The following RGS7BP variants were observed in gnomAD, a reference collection of about 807,000 sequenced individuals.
The protein encoded by RGS7BP is regulator of G protein signaling 7-binding protein.
In RGS7BP, 9 loss-of-function variants were observed where a neutral mutation model predicts 31.3. That is an observed-to-expected ratio of 0.29 (90% CI 0.17 to 0.50). The LOEUF (loss-of-function observed/expected upper bound fraction) is 0.50, where lower values mean the gene tolerates loss of function less well. Ranked by LOEUF, RGS7BP falls within the 20% of genes least tolerant of loss-of-function variation. The pLI, the probability that RGS7BP is intolerant of heterozygous loss-of-function variation, is 0.98. For missense variants in RGS7BP, 274 were observed against 322.0 expected (o/e 0.85, Z 1.14); for synonymous variants, 115 against 120.1 (o/e 0.96, Z 0.28).
chr5:64,578,730 G>T (rs924705935), intron 3 of RGS7BP, among the ~76,000 whole-genome samples: 1 of 152,168 alleles, frequency 6.6e-6, no homozygotes, highest in Admixed American at 6.5e-5. Flanking sequence ...AAAAGGAGTA[G>T]GTGCCTGTGA....
At chr5:64,553,732 T>C (rs1397479390) in intron 2 of RGS7BP, among the ~76,000 whole-genome samples, 4 of 152,098 alleles carry the variant, frequency 2.6e-5, no homozygotes, top group Admixed American at 1.3e-4. Flanking sequence ...CTGTGTAAGA[T>C]TGAGTGAGAT....
intron 2 of RGS7BP, among the ~76,000 whole-genome samples, chr5:64,560,558 T>C (rs998517993): frequency 1.3e-5 from 2 of 150,958 alleles, no homozygotes; most frequent in African/African-American, 4.8e-5. Flanking sequence ...TATATATATA[T>C]ATATAATCTA....
chr5:64,597,674 C>T (rs1743110115), intron 4 of RGS7BP, among the ~76,000 whole-genome samples: 1 of 151,354 alleles, frequency 6.6e-6, no homozygotes, highest in African/African-American at 2.4e-5. Flanking sequence ...CACATGTTCT[C>T]ACTTGTAAGT....
intron 2 of RGS7BP, among the ~76,000 whole-genome samples, chr5:64,514,184 C>A (rs190404106): frequency 1.0e-3 from 154 of 152,280 alleles, no homozygotes; most frequent in African/African-American, 3.7e-3. Context: ...TTTACAAGGA[C>A]AGTAGTCATA....
At chr5:64,588,822 G>A (rs1169794985) in intron 3 of RGS7BP, among the ~76,000 whole-genome samples, 2 of 152,000 alleles carry the variant, frequency 1.3e-5, no homozygotes, top group South Asian at 2.1e-4. Context: ...TTAAAAAAAT[G>A]TGAAAGACTG....
Position 64,506,806 on chromosome 5 carries a change from C to A in RGS7BP, c.165+17C>A. 6.8e-7 allele frequency: 1 copy of A among 1,479,760 alleles called. No homozygotes were observed. Among genetic ancestry groups the A allele is most frequent in the South Asian group, 1.3e-5 (1 of 77,260 alleles). The allele number at this position is 1,479,760 out of a possible 1,614,324, so 91.7% of individuals were successfully genotyped here. A position where few individuals can be genotyped will look rare whatever the true frequency, so the allele number is the denominator to read the frequency against. On this transcript the variant is annotated intron_variant, in intron 1 of 5. Transcript: ENST00000334025. The surrounding 1 kb of genome is among the most constrained non-coding windows in gnomAD (Gnocchi z 4.6). ...TGCAAGATGGTGGGTGAAAACTGCG[C>A]CTCTTTTTTTTTTTTTTTAATTGAG...
At chr5:64,576,766 G>A (rs185840755) in intron 3 of RGS7BP, among the ~76,000 whole-genome samples, 1 of 152,306 alleles carries the variant, frequency 6.6e-6, no homozygotes, top group Admixed American at 6.5e-5. Context: ...GGAGAGTGTG[G>A]AATGGGAAGG....
chr5:64,601,791 C>A (rs1043440794), intron 5 of RGS7BP, among the ~76,000 whole-genome samples: 8 of 152,132 alleles, frequency 5.3e-5, no homozygotes, highest in Non-Finnish European at 1.5e-5. Context: ...TGCAAGGTTA[C>A]GGACAGAGGC....
At chr5:64,592,231 A>C (rs1742938853) in intron 3 of RGS7BP, among the ~76,000 whole-genome samples, 1 of 152,174 alleles carries the variant, frequency 6.6e-6, no homozygotes, top group African/African-American at 2.4e-5. Context: ...AAGATACCAT[A>C]TCAAACTTCT....
At chr5:64,565,817 T>A (rs1285646906) in intron 2 of RGS7BP, among the ~76,000 whole-genome samples, 2 of 152,140 alleles carry the variant, frequency 1.3e-5, no homozygotes, top group Non-Finnish European at 2.9e-5. Context: ...ACTGGCCTCT[T>A]CTGTTTGCAT....
At chr5:64,546,429 G>A (rs1234804576) in intron 2 of RGS7BP, among the ~76,000 whole-genome samples, 1 of 152,056 alleles carries the variant, frequency 6.6e-6, no homozygotes. Context: ...TTTCAAGGAG[G>A]AGCAAGAGAG....
rs141064757 is a variant in RGS7BP at position 64,536,578 on chromosome 5, T to C, written c.332+28701T>C. ...TTACTTTCAAAACAAAATGTATCAA[T>C]AACATAGAATACCTACATTTCAGGT... On this transcript the variant is annotated intron_variant, in intron 2 of 5. Transcript: ENST00000334025. Among the ~76,000 whole-genome samples the C allele has an allele frequency of 4.6e-3, 703 of 152,302 alleles. 7 individuals carry two copies. Among genetic ancestry groups the C allele is most frequent in the African/African-American group, 0.016 (680 of 41,576 alleles).
At chr5:64,522,964 G>C (rs1469413462) in intron 2 of RGS7BP, among the ~76,000 whole-genome samples, 1 of 152,158 alleles carries the variant, frequency 6.6e-6, no homozygotes, top group African/African-American at 2.4e-5. Context: ...TGGGATGTGA[G>C]GGGGAAAGAG....
chr5:64,510,570 AG>A (rs1201618736), intron 2 of RGS7BP, among the ~76,000 whole-genome samples: 1 of 152,216 alleles, frequency 6.6e-6, no homozygotes, highest in African/African-American at 2.4e-5. Flanking sequence ...GATGAGCTCG[AG>A]AAATCTTTTT....
intron 2 of RGS7BP, among the ~76,000 whole-genome samples, chr5:64,572,211 G>C (rs1742316142): frequency 6.6e-6 from 1 of 152,096 alleles, no homozygotes; most frequent in Non-Finnish European, 1.5e-5. Flanking sequence ...TTTATCCCTA[G>C]GAAGTTTCCA....
chr5:64,567,452 C>T lies in RGS7BP; in HGVS notation c.333-8322C>T, dbSNP rs141769445. Among the ~76,000 whole-genome samples the T allele has an allele frequency of 1.1e-3, 175 of 152,264 alleles. 1 individual carries two copies. The Middle Eastern group carries it at 0.024, about 21-fold the overall frequency. Reference sequence around the variant, plus strand: ...TTAAAATCTCTCTTTTGTAAATCCTCAGTCATCAAGCAAATACCCACTCCC... The same window carrying T: ...TTAAAATCTCTCTTTTGTAAATCCTTAGTCATCAAGCAAATACCCACTCCC... On this transcript the variant is annotated intron_variant, in intron 2 of 5. Coordinates refer to ENST00000334025, the MANE Select transcript of RGS7BP (RefSeq NM_001029875.3).
intron 2 of RGS7BP, among the ~76,000 whole-genome samples, chr5:64,532,811 T>C (rs181220427): frequency 1.6e-4 from 24 of 152,008 alleles, no homozygotes; most frequent in Admixed American, 1.6e-3. Context: ...TTCTCTAGTG[T>C]ATTTGGGTAG....
chr5:64,571,172 C>A (rs1374911021), intron 2 of RGS7BP, among the ~76,000 whole-genome samples: 2 of 152,100 alleles, frequency 1.3e-5, no homozygotes, highest in Non-Finnish European at 2.9e-5. Context: ...TGAAATCATA[C>A]AGTATTTATT....
At chr5:64,530,173 A>G (rs1749334570) in intron 2 of RGS7BP, among the ~76,000 whole-genome samples, 1 of 152,238 alleles carries the variant, frequency 6.6e-6, no homozygotes, top group African/African-American at 2.4e-5. Flanking sequence ...AAATTGAGAA[A>G]AAAAACTTAT....
Sources: allele counts gnomAD v4.1 joint callset (sites outside exome capture counted in the v4.1 genomes callset), GRCh38; gene constraint gnomAD v4.1.1; non-coding constraint Gnocchi (gnomAD v3.1); transcripts MANE v1.5; gene names NCBI Gene and HGNC (gene_info 2026-07-23, HGNC 2026-07-21).